ECE1: variants seen among roughly 807,000 people sequenced by gnomAD.
ECE1 encodes endothelin converting enzyme 1.
A neutral mutation model predicts 98.6 loss-of-function variants in ECE1; 35 were observed. The observed-to-expected ratio is 0.35, with a 90% CI of 0.27 to 0.47. The LOEUF is 0.47. ECE1 is among the 20% of genes least tolerant of loss of function. The pLI is 1.00. For synonymous variants in ECE1, 394 were observed against 407.1 expected (o/e 0.97, Z 0.39); for missense variants, 814 against 1,025.3 (o/e 0.79, Z 2.81).
chr1:21,240,667 T>C (rs900403414), intron 10 of ECE1, among the ~76,000 whole-genome samples: 6 of 152,360 alleles, frequency 3.9e-5, no homozygotes, highest in African/African-American at 1.4e-4. Flanking sequence ...TTTGGATGCC[T>C]TGCCCTCAGC....
At chr1:21,230,400 A>G (rs2098180308) in intron 14 of ECE1, among the ~76,000 whole-genome samples, 1 of 151,996 alleles carries the variant, frequency 6.6e-6, no homozygotes, top group Non-Finnish European at 1.5e-5. Flanking sequence ...TTTTTGAAAC[A>G]AAGTCTTGTT....
chr1:21,341,676 AG>A (rs1278156393), intron 1 of ECE1, among the ~76,000 whole-genome samples: 1 of 152,248 alleles, frequency 6.6e-6, no homozygotes, highest in Non-Finnish European at 1.5e-5. Context: ...AGTCACCAGC[AG>A]GGGCACAGGC....
Position 21,284,182 on chromosome 1 carries a change from T to G in ECE1, c.139-4850A>C, listed in dbSNP as rs1310838564. On this transcript the variant is annotated intron_variant, in intron 2 of 18. Coordinates refer to ENST00000374893, the MANE Select transcript of ECE1 (RefSeq NM_001397.3). ...TTCATGGGACTGTGGAGGGGATCCGTGAGATGAGGTCACAGCATGGGGAGA... is the reference window on the plus strand; with the variant it reads ...TTCATGGGACTGTGGAGGGGATCCGGGAGATGAGGTCACAGCATGGGGAGA... Among the ~76,000 whole-genome samples, 6 of 152,222 alleles carry G rather than the reference T, an allele frequency of 3.9e-5. No homozygotes were observed. The East Asian group carries it at 9.6e-4, about 24-fold the overall frequency.
intron 1 of ECE1, among the ~76,000 whole-genome samples, chr1:21,326,911 T>C (rs540445656): frequency 6.6e-6 from 1 of 152,210 alleles, no homozygotes; most frequent in South Asian, 2.1e-4. Context: ...CTCGGGTCCC[T>C]GGAAACACCC....
At chr1:21,303,353 C>G (rs1368043439) in intron 1 of ECE1, among the ~76,000 whole-genome samples, 1 of 152,230 alleles carries the variant, frequency 6.6e-6, no homozygotes, top group East Asian at 1.9e-4. Flanking sequence ...GAGAAACAGT[C>G]AGAATTCAAA....
At chr1:21,314,419 G>A (rs560490917) in intron 1 of ECE1, among the ~76,000 whole-genome samples, 3 of 152,122 alleles carry the variant, frequency 2.0e-5, no homozygotes, top group African/African-American at 4.8e-5. Flanking sequence ...AGTCCCATTC[G>A]GGAGCCAATC....
intron 1 of ECE1, among the ~76,000 whole-genome samples, chr1:21,341,003 G>A (rs1480888597): frequency 1.3e-5 from 2 of 151,932 alleles, no homozygotes; most frequent in Non-Finnish European, 2.9e-5. Context: ...AAGGCACAGC[G>A]GTCTGTACTC....
Position 21,311,509 on chromosome 1 carries a change from C to CAA in ECE1, c.4-21355_4-21354dup, listed in dbSNP as rs397979522. ...GGAACATAGTGAGACCCTGTCTCCA[C>CAA]AAAAAAAAAAAAAAAAAAAAATTAG... On this transcript the variant is annotated intron_variant, in intron 1 of 18. Coordinates refer to the ECE1 transcript ENST00000415912. Among the ~76,000 whole-genome samples, 120 of 74,276 alleles carry CAA rather than the reference C, an allele frequency of 1.6e-3. 1 individual carries two copies. The highest frequency in any genetic ancestry group is 5.4e-3 in the African/African-American group (99 of 18,308). The allele number at this position is 74,276 out of a possible 152,430, so 48.7% of individuals were successfully genotyped here. A position where few individuals can be genotyped will look rare whatever the true frequency, so the allele number is the denominator to read the frequency against.
chr1:21,287,332 C>T (rs1473928264), intron 2 of ECE1, among the ~76,000 whole-genome samples: 1 of 152,192 alleles, frequency 6.6e-6, no homozygotes, highest in Non-Finnish European at 1.5e-5. Flanking sequence ...TCGAGACCAG[C>T]CTGGCCAACA....
chr1:21,306,814 C>T (rs950891955), intron 1 of ECE1, among the ~76,000 whole-genome samples: 1 of 152,150 alleles, frequency 6.6e-6, no homozygotes, highest in African/African-American at 2.4e-5. Context: ...AGGGCAGCAG[C>T]GAGGTGTGCT....
intron 1 of ECE1, among the ~76,000 whole-genome samples, chr1:21,321,449 C>T (rs1383737757): frequency 6.6e-6 from 1 of 152,206 alleles, no homozygotes; most frequent in East Asian, 1.9e-4. Context: ...TGTTGGGGAC[C>T]TAGGCCTGAC....
At chr1:21,304,905 G>A (rs1255921529) in intron 1 of ECE1, among the ~76,000 whole-genome samples, 1 of 152,174 alleles carries the variant, frequency 6.6e-6, no homozygotes, top group African/African-American at 2.4e-5. Flanking sequence ...TGAACATACT[G>A]ACGACTGGGA....
At chr1:21,323,818 TC>T (rs1639015173) in intron 1 of ECE1, among the ~76,000 whole-genome samples, 1 of 132,000 alleles carries the variant, frequency 7.6e-6, no homozygotes, top group Admixed American at 7.5e-5. Context: ...CAATTTTCTT[TC>T]TTTTTTTTTT....
intron 1 of ECE1, among the ~76,000 whole-genome samples, chr1:21,343,371 G>A (rs975567923): frequency 1.3e-5 from 2 of 152,160 alleles, no homozygotes; most frequent in African/African-American, 2.4e-5. Context: ...ACTTTCATTC[G>A]TCTTCCAGAC....
chr1:21,297,437 G>A (rs1257486560), intron 1 of ECE1, among the ~76,000 whole-genome samples: 2 of 151,774 alleles, frequency 1.3e-5, no homozygotes, highest in African/African-American at 2.4e-5. Flanking sequence ...TGCCTTCCCC[G>A]GTGACCCCCT....
chr1:21,255,894 G>C, intron 8 of ECE1, 53 bp downstream of exon 8: 2 of 1,593,306 alleles, frequency 1.3e-6, no homozygotes, highest in Non-Finnish European at 1.7e-6. Flanking sequence ...CCAGGGCCCT[G>C]TCTGAAACCT....
intron 1 of ECE1, chr1:21,298,356 C>A (rs543323925): frequency 4.8e-6 from 1 of 208,268 alleles, no homozygotes. Flanking sequence ...CGGTGCTCCG[C>A]GGCAGCATGC....
chr1:21,247,438 AC>A lies in ECE1; in HGVS notation c.1021-76del, dbSNP rs553210859. The A allele has an allele frequency of 3.3e-3, 5,278 of 1,608,680 alleles. 22 individuals carry two copies. Among genetic ancestry groups the A allele is most frequent in the Middle Eastern group, 0.016 (91 of 5,632 alleles). ...GCCCAGGGCTCTAGGACGGGCTTCT[AC>A]AGGAAGCAAAGGAAAGAGCTTGGGC... is the stretch of plus-strand genomic sequence containing the variant. On this transcript the variant is annotated intron_variant, in intron 8 of 18. Transcript: ENST00000374893.
chr1:21,272,613 T>C (rs1428979601), intron 4 of ECE1, 86 bp downstream of exon 4: 3 of 1,533,032 alleles, frequency 2.0e-6, no homozygotes, highest in African/African-American at 1.4e-5. Context: ...GCTCCTCCTT[T>C]AAGCAGGCGC....
Sources: gnomAD v4.1 joint callset for allele counts (sites outside exome capture counted in the v4.1 genomes callset) on GRCh38, gnomAD v4.1.1 for gene constraint, MANE v1.5 for transcripts, NCBI Gene and HGNC (gene_info 2026-07-23, HGNC 2026-07-21) for gene names.